Variants in CHL1 observed in about 807,000 individuals in gnomAD.
The protein encoded by CHL1 is cell adhesion molecule L1 like, also known as neural cell adhesion molecule L1-like protein.
CHL1 carries 96 observed loss-of-function variants against 141.9 expected under a neutral mutation model. The observed-to-expected ratio is 0.68, with a 90% CI of 0.57 to 0.80. The LOEUF is 0.80. Among genes scored for constraint, CHL1 ranks in the 30% least tolerant of loss-of-function variants. The pLI is 0.00. For missense variants in CHL1, 1,820 were observed against 1,457.2 expected, an observed-to-expected ratio of 1.25 and a Z score of -4.05; for synonymous variants, 613 against 502.2, an observed-to-expected ratio of 1.22 and a Z score of -2.95.
rs367949742 is a variant in CHL1, at chr3:341,976, A to C, written c.573A>C (p.Ala191=). The change falls in exon 7 of 28, where the codon GCA becomes GCC. Residue 191 remains alanine (A), a synonymous_variant. Transcript: ENST00000256509. ...GCCAAAAGGGAGATCTATACTTCGC[A>C]AACGTGGAAGAAAAGGACAGTCGCA... ...YMSQKGDLYF[A]NVEEKDSRND... is the part of the protein sequence containing the mutation. 39 of 1,613,442 alleles carry C rather than the reference A, an allele frequency of 2.4e-5. No homozygotes were observed. In the African/African-American group the frequency reaches 4.3e-4, roughly 18 times the overall value.
At chr3:402,903 A>G (rs752239034) in intron 27 of CHL1, among the ~76,000 whole-genome samples, 1 of 152,228 alleles carries the variant, frequency 6.6e-6, no homozygotes, top group African/African-American at 2.4e-5. Context: ...AACAATAACC[A>G]CCAATACTCA....
In CHL1 at chr3:242,513, T is replaced by G. The variant is rs370287005; in HGVS notation, c.-174-2100T>G. Among the ~76,000 whole-genome samples the G allele has an allele frequency of 2.0e-3, 303 of 151,908 alleles. 1 individual carries two copies. Among genetic ancestry groups the G allele is most frequent in the African/African-American group, 2.9e-3 (122 of 41,426 alleles). ...TGGGAGGCTGAGGCAGGAGAATGGC[T>G]TGAACCAGGGAGGCAGAGCTTGCAG... On this transcript the variant is annotated intron_variant, in intron 1 of 27. Coordinates refer to ENST00000256509, the MANE Select transcript of CHL1 (RefSeq NM_006614.4).
chr3:381,262 C>T (rs1706999856), intron 16 of CHL1, among the ~76,000 whole-genome samples: 1 of 152,074 alleles, frequency 6.6e-6, no homozygotes, highest in African/African-American at 2.4e-5. Context: ...GACCCCAGAG[C>T]CTGATGCGAT....
At chr3:259,973 T>C (rs17015134) in intron 2 of CHL1, among the ~76,000 whole-genome samples, 8,313 of 152,140 alleles carry the variant, frequency 0.055, 725 homozygotes, top group African/African-American at 0.19. Flanking sequence ...GAGTAAATTT[T>C]TGAAATATCA....
At chr3:264,308 A>G (rs1394393315) in intron 2 of CHL1, among the ~76,000 whole-genome samples, 1 of 152,188 alleles carries the variant, frequency 6.6e-6, no homozygotes, top group Admixed American at 6.5e-5. Flanking sequence ...GACTTATTTT[A>G]AAGAAGAATT....
chr3:269,715 G>C (rs1695471044), intron 2 of CHL1, among the ~76,000 whole-genome samples: 1 of 152,176 alleles, frequency 6.6e-6, no homozygotes, highest in African/African-American at 2.4e-5. Context: ...AGTAGAGATG[G>C]GGTTTCAACC....
At chr3:231,477 A>G (rs1701843984) in intron 1 of CHL1, among the ~76,000 whole-genome samples, 1 of 152,076 alleles carries the variant, frequency 6.6e-6, no homozygotes, top group Admixed American at 6.6e-5. Context: ...GACTGGATTA[A>G]CTATATTTTC....
intron 2 of CHL1, among the ~76,000 whole-genome samples, chr3:270,365 T>C (rs569791217): frequency 5.9e-5 from 9 of 152,286 alleles, no homozygotes; most frequent in Non-Finnish European, 1.2e-4. Context: ...TTTTCCTGAA[T>C]TTAAACCCTG....
At chr3:344,024 G>C (rs965478558) in intron 8 of CHL1, among the ~76,000 whole-genome samples, 22 of 152,164 alleles carry the variant, frequency 1.4e-4, no homozygotes, top group Admixed American at 1.3e-3. Context: ...TATGCAGGTA[G>C]TGAGGATGCT....
At chr3:334,980 T>C (rs1701754154) in intron 5 of CHL1, among the ~76,000 whole-genome samples, 1 of 152,258 alleles carries the variant, frequency 6.6e-6, no homozygotes, top group African/African-American at 2.4e-5. Flanking sequence ...GCACATGCTA[T>C]TAAAATAGTC....
chr3:376,981 T>C (rs772048196), intron 15 of CHL1, among the ~76,000 whole-genome samples: 3 of 152,218 alleles, frequency 2.0e-5, no homozygotes, highest in Non-Finnish European at 4.4e-5. Context: ...TTATATGAAA[T>C]GTACATAAAA....
intron 15 of CHL1, among the ~76,000 whole-genome samples, chr3:371,048 G>T (rs1033907633): frequency 2.6e-5 from 4 of 152,162 alleles, no homozygotes; most frequent in African/African-American, 9.7e-5. Flanking sequence ...TAGAATAAGG[G>T]TGATGTGGTG....
At chr3:298,000 C>G (rs1187086686) in intron 2 of CHL1, among the ~76,000 whole-genome samples, 1 of 152,128 alleles carries the variant, frequency 6.6e-6, no homozygotes, top group Non-Finnish European at 1.5e-5. Flanking sequence ...AGGTGGTCAT[C>G]TTGATAATCA....
intron 2 of CHL1, among the ~76,000 whole-genome samples, chr3:271,511 C>T (rs4685522): frequency 0.095 from 14,416 of 152,212 alleles, 748 homozygotes; most frequent in African/African-American, 0.13. Flanking sequence ...TTATTATTTA[C>T]TCATATTACA....
At chr3:326,812 T>C (rs1333882723) in intron 4 of CHL1, among the ~76,000 whole-genome samples, 1 of 151,910 alleles carries the variant, frequency 6.6e-6, no homozygotes, top group Non-Finnish European at 1.5e-5. Flanking sequence ...TCATTAAGAA[T>C]ATCCATATTT....
chr3:372,278 C>T (rs1014990956), intron 15 of CHL1, among the ~76,000 whole-genome samples: 4 of 152,066 alleles, frequency 2.6e-5, no homozygotes, highest in East Asian at 3.9e-4. Context: ...TATGAAGTCC[C>T]GTATTTCTTG....
chr3:205,071 C>A lies in CHL1; in HGVS notation c.-175+8008C>A, dbSNP rs150363237. ...AGTTCATAGCCCACTCTATTGCTTT[C>A]AGGTTTTCTTTTTCCTTTTTCTTTC... On this transcript the variant is annotated intron_variant, in intron 1 of 27. Transcript: ENST00000256509. Among the ~76,000 whole-genome samples the A allele has an allele frequency of 1.2e-3, 187 of 150,676 alleles. 2 individuals carry two copies. Among genetic ancestry groups the A allele is most frequent in the African/African-American group, 4.3e-3 (177 of 41,204 alleles).
intron 1 of CHL1, among the ~76,000 whole-genome samples, chr3:207,975 C>A (rs1018038920): frequency 2.6e-5 from 4 of 152,170 alleles, no homozygotes; most frequent in Admixed American, 2.6e-4. Flanking sequence ...TGACCTTAAC[C>A]ACTGTCCCCT....
intron 2 of CHL1, among the ~76,000 whole-genome samples, chr3:294,119 G>A (rs1054578622): frequency 6.6e-6 from 1 of 151,910 alleles, no homozygotes; most frequent in African/African-American, 2.4e-5. Context: ...AGGAGTTCAA[G>A]ACCAGACTGG....
Sources: gnomAD v4.1 joint callset for allele counts (sites outside exome capture counted in the v4.1 genomes callset) on GRCh38, gnomAD v4.1.1 for gene constraint, MANE v1.5 for transcripts, NCBI Gene and HGNC (gene_info 2026-07-23, HGNC 2026-07-21) for gene names.